TRIM37: variants seen among roughly 807,000 people sequenced by gnomAD.
TRIM37 encodes E3 ubiquitin-protein ligase TRIM37.
In TRIM37, 80 loss-of-function variants were observed where a neutral mutation model predicts 129.8. That is an observed-to-expected ratio of 0.62 (90% CI 0.51 to 0.74). TRIM37 has a LOEUF of 0.74. TRIM37 is among the 30% of genes least tolerant of loss of function. TRIM37 has a pLI of 0.00. For synonymous variants in TRIM37, 389 were observed against 387.1 expected, an observed-to-expected ratio of 1.00 and a Z score of -0.06; for missense variants, 1,054 against 1,176.5, an observed-to-expected ratio of 0.90 and a Z score of 1.52.
downstream of TRIM37, chr17:58,980,449 C>G: frequency 6.2e-7 from 1 of 1,614,118 alleles, no homozygotes. The surrounding 1 kb of genome is among the most constrained non-coding windows in gnomAD (Gnocchi z 4.7). Context: ...CCCAAATCAA[C>G]GTGCTGGAAG....
chr17:59,010,643 C>A (rs1328700328), intron 22 of TRIM37, among the ~76,000 whole-genome samples: 3 of 152,186 alleles, frequency 2.0e-5, no homozygotes, highest in African/African-American at 7.2e-5. Flanking sequence ...CAGGTGTCTG[C>A]TACCACATCT....
chr17:58,973,033 C>G, the TRIM37 span: 2 of 674,426 alleles, frequency 3.0e-6, no homozygotes, highest in Admixed American at 6.0e-5. Flanking sequence ...TACCAGAATG[C>G]TTATTATTCT....
rs774392954 is a variant in TRIM37, at chr17:58,999,869, C to CA, written c.2813-411dup. Among the ~76,000 whole-genome samples the CA allele has an allele frequency of 2.0e-4, 30 of 152,234 alleles. 4 individuals are homozygous for CA. The highest frequency in any genetic ancestry group is 1.4e-3 in the Admixed American group (22 of 15,280). ...AAGTATCACTACAAAAACCCACCAG[C>CA]ACTCCAAATAACTTGCACAAAATTT... On this transcript the variant is annotated intron_variant, in intron 23 of 23. Transcript: ENST00000262294.
At chr17:59,059,119 C>A (rs990346077) in intron 12 of TRIM37, 1 of 152,180 alleles carries the variant, frequency 6.6e-6, no homozygotes, top group Non-Finnish European at 1.5e-5. Flanking sequence ...CACCTGTAAT[C>A]CCAGCATTTT....
intron 7 of TRIM37, among the ~76,000 whole-genome samples, chr17:59,077,084 G>A (rs1213503870): frequency 6.6e-6 from 1 of 151,774 alleles, no homozygotes; most frequent in Non-Finnish European, 1.5e-5. Context: ...CAAGGCGCCC[G>A]GCCTTTATTT....
intron 19 of TRIM37, 63 bp from the exon 20 acceptor site, chr17:59,017,487 C>T (rs1398032684): frequency 1.1e-5 from 18 of 1,611,674 alleles, no homozygotes; most frequent in Non-Finnish European, 3.4e-6. Flanking sequence ...ACTATTTAGT[C>T]TGTCAGAAAA....
downstream of TRIM37, among the ~76,000 whole-genome samples, chr17:58,994,640 T>C (rs12940733): frequency 6.6e-6 from 1 of 152,188 alleles, no homozygotes; most frequent in African/African-American, 2.4e-5. Flanking sequence ...CACTATACCG[T>C]TTTATATAGG....
chr17:58,988,623 GC>G (rs1256330437), intron 24 of TRIM37, among the ~76,000 whole-genome samples: 1 of 152,064 alleles, frequency 6.6e-6, no homozygotes, highest in Non-Finnish European at 1.5e-5. Flanking sequence ...CCCCTCCCCA[GC>G]CCCCGTTACA....
At chr17:58,972,993 A>C in the TRIM37 span, 490 of 1,064,194 alleles carry the variant, frequency 4.6e-4, no homozygotes, top group Non-Finnish European at 5.4e-4. Context: ...ATCAACTCTG[A>C]TACAGGGAAC....
Position 58,998,485 on chromosome 17 carries a change from G to C in TRIM37, c.*892C>G. The C allele has an allele frequency of 1.0e-6, 1 of 985,378 alleles. No individual in the cohort carries two copies. Among genetic ancestry groups the C allele is most frequent in the Non-Finnish European group, 1.2e-6 (1 of 829,924 alleles). The allele number at this position is 985,378 out of a possible 1,614,324, so 61.0% of individuals were successfully genotyped here. A position where few individuals can be genotyped will look rare whatever the true frequency, so the allele number is the denominator to read the frequency against. ...GGCAACTGTTTTGGGCTAATTATGA[G>C]TATGAAAGAAAACCTTATATCACAG... On this transcript the variant is annotated 3_prime_UTR_variant, in exon 24 of 24. Transcript: ENST00000262294.
intron 16 of TRIM37, among the ~76,000 whole-genome samples, chr17:59,043,365 A>G (rs1276936762): frequency 6.6e-6 from 1 of 152,184 alleles, no homozygotes; most frequent in African/African-American, 2.4e-5. Context: ...GCAAATGAAG[A>G]AACATCTACT....
At chr17:59,021,346 G>T (rs1435499530) in intron 19 of TRIM37, among the ~76,000 whole-genome samples, 1 of 152,028 alleles carries the variant, frequency 6.6e-6, no homozygotes, top group African/African-American at 2.4e-5. Flanking sequence ...AGTGAGCCGA[G>T]ATTGCACCAC....
At chr17:59,025,821 T>C (rs2037189915) in intron 19 of TRIM37, among the ~76,000 whole-genome samples, 2 of 152,230 alleles carry the variant, frequency 1.3e-5, no homozygotes, top group South Asian at 4.1e-4. Flanking sequence ...CAAAAAGCTG[T>C]ACTTTTGGTT....
At chr17:59,052,785 T>C (rs2040471511) in intron 13 of TRIM37, among the ~76,000 whole-genome samples, 1 of 151,964 alleles carries the variant, frequency 6.6e-6, no homozygotes, top group Non-Finnish European at 1.5e-5. Context: ...TGAAACCCCG[T>C]CTCTACTAAA....
At chr17:59,055,739 G>A (rs2040805902) in intron 13 of TRIM37, among the ~76,000 whole-genome samples, 2 of 146,756 alleles carry the variant, frequency 1.4e-5, no homozygotes, top group African/African-American at 2.5e-5. Flanking sequence ...AGGATATAAC[G>A]AGGGGTAACA....
At chr17:59,063,513 T>C (rs538948426) in intron 10 of TRIM37, among the ~76,000 whole-genome samples, 1 of 152,328 alleles carries the variant, frequency 6.6e-6, no homozygotes, top group Admixed American at 6.5e-5. Context: ...TTGCCTATTA[T>C]TTGGAGTTTC....
At chr17:58,995,987 C>T (rs115588368), downstream of TRIM37, among the ~76,000 whole-genome samples, 2,368 of 151,940 alleles carry the variant, frequency 0.016, 61 homozygotes, top group African/African-American at 0.054. Flanking sequence ...GGTAACAAAG[C>T]CAGACCCTGT....
At chr17:59,085,870 T>C (rs959951166) in intron 4 of TRIM37, among the ~76,000 whole-genome samples, 1 of 151,992 alleles carries the variant, frequency 6.6e-6, no homozygotes, top group Non-Finnish European at 1.5e-5. Flanking sequence ...CTTAAAAAGG[T>C]GGGAAATTCT....
At chr17:59,070,167 C>T (rs961269909) in intron 9 of TRIM37, among the ~76,000 whole-genome samples, 3 of 152,148 alleles carry the variant, frequency 2.0e-5, no homozygotes, top group Admixed American at 6.6e-5. Context: ...CAGTCTAACA[C>T]CACAGAATGA....
Sources: gnomAD v4.1 joint callset for allele counts (sites outside exome capture counted in the v4.1 genomes callset) on GRCh38, gnomAD v4.1.1 for gene constraint, Gnocchi (gnomAD v3.1) non-coding constraint, MANE v1.5 for transcripts, NCBI Gene and HGNC (gene_info 2026-07-23, HGNC 2026-07-21) for gene names.